IREB2: variants seen among roughly 807,000 people sequenced by gnomAD.
IREB2 encodes iron responsive element binding protein 2, also known as iron-responsive element-binding protein 2.
A neutral mutation model predicts 118.8 loss-of-function variants in IREB2; 39 were observed. The ratio of observed to expected loss-of-function variants is 0.33; its 90% confidence interval spans 0.25 to 0.43. The LOEUF (loss-of-function observed/expected upper bound fraction) is 0.43, where lower values mean the gene tolerates loss of function less well. Ranked by LOEUF, IREB2 falls within the 20% of genes least tolerant of loss-of-function variation. The pLI is 1.00. For synonymous variants in IREB2, 372 were observed against 392.2 expected (o/e 0.95, Z 0.61); for missense variants, 900 against 1,147.3 (o/e 0.78, Z 3.11).
chr15:78,457,229 A>AT (rs964824182), intron 2 of IREB2, among the ~76,000 whole-genome samples: 10 of 151,224 alleles, frequency 6.6e-5, no homozygotes, highest in South Asian at 6.3e-4. Flanking sequence ...TCTATTGGTT[A>AT]TTTTTTTTTC....
Position 78,466,469 on chromosome 15 carries a change from T to G in IREB2, c.609T>G (p.Phe203Leu), listed in dbSNP as rs2051285212. 1 of 1,613,208 alleles carries G rather than the reference T, an allele frequency of 6.2e-7. No individual in the cohort carries two copies. Among genetic ancestry groups the G allele is most frequent in the Non-Finnish European group, 8.5e-7 (1 of 1,179,304 alleles). ...AGAATACACCCATCCTGTGTCCTTT[T>G]CATTTGCAACCAGTGCCTGAGTATG... ...QIENTPILCP[F>L]HLQPVPEPET... is the part of the protein sequence containing the mutation. The change falls in exon 5 of 22, where the codon TTT (phenylalanine) becomes TTG (leucine). Residue 203 changes from phenylalanine to leucine, a missense_variant. By Grantham distance (22) the Phe-to-Leu change is conservative (BLOSUM62 0). Coordinates refer to ENST00000258886, the MANE Select transcript of IREB2 (RefSeq NM_004136.4).
chr15:78,455,190 GA>G (rs1371468931), intron 2 of IREB2, among the ~76,000 whole-genome samples: 2 of 152,194 alleles, frequency 1.3e-5, no homozygotes, highest in Non-Finnish European at 1.5e-5. Context: ...CCTAAGTAAG[GA>G]AAGCGTGGAT....
rs191319729 is a variant in IREB2 at position 78,474,520 on chromosome 15, G to A, written c.1023+1139G>A. On this transcript the variant is annotated intron_variant, in intron 8 of 21. Transcript: ENST00000258886. The stretch of plus-strand genomic sequence containing the variant: ...TACTTTAGACATCCTGAAAACTAAC[G>A]CTGCTTTTTAGCCTTCTCTAGCTGT... 32 of 152,186 alleles carry A rather than the reference G, an allele frequency of 2.1e-4. 1 individual carries two copies. In the East Asian group the frequency reaches 5.2e-3, roughly 25 times the overall value. 9.4% of individuals were successfully genotyped at this position (152,186 alleles called of 1,614,324 possible).
chr15:78,445,678 T>A (rs1313266480), intron 2 of IREB2, among the ~76,000 whole-genome samples: 2 of 152,266 alleles, frequency 1.3e-5, no homozygotes, highest in Non-Finnish European at 2.9e-5. Context: ...CTTACTCATT[T>A]TTGTATAATG....
At position 78,463,058 on chromosome 15, in the gene IREB2, C is replaced by G; in HGVS notation, c.243C>G (p.Phe81Leu). The G allele has an allele frequency of 6.2e-7, 1 of 1,608,200 alleles. No homozygotes were observed. The highest frequency in any genetic ancestry group is 2.2e-5 in the East Asian group (1 of 44,796). ...AAAGCAATGTTGAAGTGCCCTTTTT[C>G]CCTGCCCGTGTTCTTCTTCAAGATT... ...TKQSNVEVPFFPARVLLQDFT... is the reference protein window; with the variant it reads ...TKQSNVEVPFLPARVLLQDFT... Residue 81 changes from phenylalanine (F) to leucine (L), a missense_variant, in exon 3 of 22, where the codon TTC becomes TTG. Phe to Leu is a conservative substitution (Grantham distance 22). Transcript: ENST00000258886.
chr15:78,442,131 A>G (rs990732801), intron 2 of IREB2, among the ~76,000 whole-genome samples: 8 of 152,202 alleles, frequency 5.3e-5, no homozygotes, highest in Admixed American at 3.3e-4. Context: ...CCTGACCTCA[A>G]GTGATCCACC....
intron 4 of IREB2, among the ~76,000 whole-genome samples, chr15:78,465,703 ATG>A (rs2051270756): frequency 6.6e-6 from 1 of 152,208 alleles, no homozygotes; most frequent in African/African-American, 2.4e-5. Context: ...GAATCGAAAG[ATG>A]TGAGTCATGA....
Position 78,438,365 on chromosome 15 carries a change from C to T in IREB2, c.19+9C>T. 2 of 1,596,802 alleles carry T rather than the reference C, an allele frequency of 1.3e-6. No individual in the cohort carries two copies. Among genetic ancestry groups the T allele is most frequent in the Non-Finnish European group, 1.7e-6 (2 of 1,172,460 alleles). On this transcript the variant is annotated intron_variant, in intron 1 of 21. Coordinates refer to ENST00000258886, the MANE Select transcript of IREB2 (RefSeq NM_004136.4). ...GGACGCCCCAAAAGCAGGTCAGTTT[C>T]GGGCCTCCGAGCTGGGTCTGGCAGT...
intron 2 of IREB2, among the ~76,000 whole-genome samples, chr15:78,442,650 A>G (rs2050861559): frequency 6.6e-6 from 1 of 152,250 alleles, no homozygotes; most frequent in Admixed American, 6.5e-5. Context: ...CTTGCTGTCC[A>G]ATGACTTTAA....
intron 9 of IREB2, 114 bp from the exon 10 acceptor site, chr15:78,478,183 G>A: frequency 1.5e-6 from 1 of 658,892 alleles, no homozygotes; most frequent in South Asian, 1.8e-5. Flanking sequence ...GCAGTGAGCT[G>A]TGATTGCAGC....
At chr15:78,469,821 G>C (rs1595999369) in intron 5 of IREB2, among the ~76,000 whole-genome samples, 1 of 152,140 alleles carries the variant, frequency 6.6e-6, no homozygotes, top group South Asian at 2.1e-4. Flanking sequence ...TGATATTCTA[G>C]TCAACACCCA....
At chr15:78,459,102 T>C (rs2051154208) in intron 2 of IREB2, among the ~76,000 whole-genome samples, 1 of 152,134 alleles carries the variant, frequency 6.6e-6, no homozygotes, top group Non-Finnish European at 1.5e-5. Flanking sequence ...AATAAGTATA[T>C]TCTTAACGGG....
chr15:78,490,968 A>G (rs547480620), intron 18 of IREB2, among the ~76,000 whole-genome samples: 3 of 152,102 alleles, frequency 2.0e-5, no homozygotes, highest in South Asian at 4.2e-4. Flanking sequence ...TTGTGACTTT[A>G]GAAAATGAAA....
At chr15:78,456,233 T>C (rs770919780) in intron 2 of IREB2, among the ~76,000 whole-genome samples, 3 of 152,216 alleles carry the variant, frequency 2.0e-5, no homozygotes, top group Non-Finnish European at 4.4e-5. Context: ...TAAGAAATTT[T>C]GTTTTTGTTT....
chr15:78,460,894 A>T (rs557131188), intron 2 of IREB2, among the ~76,000 whole-genome samples: 2 of 152,342 alleles, frequency 1.3e-5, no homozygotes, highest in South Asian at 4.1e-4. Context: ...TGAAAAACAC[A>T]AGAAATGAGG....
At chr15:78,482,755 T>TG (rs2051595958) in intron 10 of IREB2, among the ~76,000 whole-genome samples, 1 of 152,038 alleles carries the variant, frequency 6.6e-6, no homozygotes, top group East Asian at 1.9e-4. Flanking sequence ...AACCAGGTTT[T>TG]TTTTTTTTTT....
chr15:78,446,483 G>A (rs1026509597), intron 2 of IREB2, among the ~76,000 whole-genome samples: 2 of 152,170 alleles, frequency 1.3e-5, no homozygotes, highest in African/African-American at 4.8e-5. Context: ...AGAAAATGGT[G>A]GTGGCCCAGA....
intron 5 of IREB2, among the ~76,000 whole-genome samples, chr15:78,468,246 ACTGT>A (rs1229325120): frequency 2.0e-5 from 3 of 152,096 alleles, no homozygotes; most frequent in Non-Finnish European, 4.4e-5. Context: ...TTGTTAGTAA[ACTGT>A]CTTTTTTTTT....
intron 2 of IREB2, among the ~76,000 whole-genome samples, chr15:78,454,676 C>T (rs1187470978): frequency 6.6e-6 from 1 of 152,094 alleles, no homozygotes; most frequent in Non-Finnish European, 1.5e-5. Context: ...TACAATATGC[C>T]TTAATAAACT....
Sources: gnomAD v4.1 joint callset for allele counts (sites outside exome capture counted in the v4.1 genomes callset) on GRCh38, gnomAD v4.1.1 for gene constraint, MANE v1.5 for transcripts, NCBI Gene and HGNC (gene_info 2026-07-23, HGNC 2026-07-21) for gene names.